The following COL24A1 variants were observed in gnomAD, a reference collection of about 807,000 sequenced individuals.
COL24A1 encodes the protein collagen type XXIV alpha 1 chain.
In COL24A1, 224 loss-of-function variants were observed where a neutral mutation model predicts 253.9. The observed-to-expected ratio is 0.88, with a 90% CI of 0.79 to 0.99. COL24A1 has a LOEUF of 0.99. Among genes scored for constraint, COL24A1 ranks in the 50% least tolerant of loss-of-function variants. COL24A1 has a pLI of 0.00. For missense variants in COL24A1, 2,131 were observed against 2,068.5 expected (o/e 1.03, Z -0.59); for synonymous variants, 685 against 673.7 (o/e 1.02, Z -0.26).
At position 86,059,139 on chromosome 1, in the gene COL24A1, G is replaced by A. The variant is rs369612216; in HGVS notation, c.1788C>T (p.Pro596=). 53 of 1,610,780 alleles carry A rather than the reference G, an allele frequency of 3.3e-5. No individual in the cohort carries two copies. The highest frequency in any genetic ancestry group is 4.1e-5 in the Non-Finnish European group (48 of 1,178,180). The change falls in exon 9 of 60, where the codon CCC becomes CCT. Residue 596 remains proline (P), a synonymous_variant. Coordinates refer to ENST00000370571, the MANE Select transcript of COL24A1 (RefSeq NM_152890.7). The stretch of plus-strand genomic sequence containing the variant: ...ACTGCACCTGCCTGCCAGGGTAACC[G>A]GGTGAACCAATATTACCAGCAAATC... ...IPGFAGNIGS[P]GYPGRQGLAG...
chr1:85,736,417 T>C (rs533374700), intron 58 of COL24A1: 110 of 456,274 alleles, frequency 2.4e-4, no homozygotes, highest in African/African-American at 9.4e-4. Context: ...GATAATCCTA[T>C]GCCAACTTCC....
Position 85,908,593 on chromosome 1 carries a change from C to T in COL24A1, c.2724+5G>A, listed in dbSNP as rs773292722. 16 of 1,448,992 alleles carry T rather than the reference C, an allele frequency of 1.1e-5. No individual in the cohort carries two copies. Among genetic ancestry groups the T allele is most frequent in the Middle Eastern group, 3.5e-4 (2 of 5,718 alleles). The allele number at this position is 1,448,992 out of a possible 1,614,324, so 89.8% of individuals were successfully genotyped here. On this transcript the variant is annotated splice_donor_5th_base_variant and intron_variant, in intron 27 of 59. Coordinates refer to ENST00000370571, the MANE Select transcript of COL24A1 (RefSeq NM_152890.7). The stretch of plus-strand genomic sequence containing the variant: ...AAGGAATCATAAAGTCTTTCCTGTA[C>T]TTACAGGTAATCCCAATGGACCGAT...
At chr1:85,822,248 C>T (rs1203702900) in intron 45 of COL24A1, among the ~76,000 whole-genome samples, 1 of 152,038 alleles carries the variant, frequency 6.6e-6, no homozygotes, top group Non-Finnish European at 1.5e-5. Flanking sequence ...CTGATTCAAC[C>T]CCATTTTATT....
intron 1 of COL24A1, chr1:86,155,584 A>C (rs1653454168): frequency 6.6e-6 from 1 of 152,172 alleles, no homozygotes; most frequent in African/African-American, 2.4e-5. Flanking sequence ...CCCAAAGGGG[A>C]GGTGGGGTGC....
intron 24 of COL24A1, among the ~76,000 whole-genome samples, chr1:85,936,119 AACCAAG>A (rs1321323792): frequency 1.4e-5 from 2 of 144,620 alleles, no homozygotes; most frequent in Non-Finnish European, 3.0e-5. Context: ...TCCAACTCCT[AACCAAG>A]ACAAGTCTGT....
chr1:85,771,778 T>TTTTATTTATTTATTTA (rs200015208), intron 53 of COL24A1, among the ~76,000 whole-genome samples: 4,458 of 146,514 alleles, frequency 0.03, 81 homozygotes, highest in Middle Eastern at 0.08. Context: ...TGCCTGACTT[T>TTTTATTTATTTATTTA]TTTATTTATT....
intron 5 of COL24A1, among the ~76,000 whole-genome samples, chr1:86,103,739 G>A (rs1039364874): frequency 6.6e-6 from 1 of 152,300 alleles, no homozygotes. Flanking sequence ...TATGGTTTCT[G>A]CTGAAAGGTC....
chr1:85,906,445 G>A (rs1005628137), intron 28 of COL24A1, among the ~76,000 whole-genome samples: 1 of 151,570 alleles, frequency 6.6e-6, no homozygotes, highest in African/African-American at 2.4e-5. Context: ...TGAATAGCAT[G>A]GGCTTTGGAG....
intron 53 of COL24A1, among the ~76,000 whole-genome samples, chr1:85,773,245 C>T (rs1006394297): frequency 1.4e-4 from 22 of 152,176 alleles, no homozygotes; most frequent in African/African-American, 4.8e-4. Flanking sequence ...GTTTTGGTAA[C>T]AGTACCATGC....
chr1:86,023,970 A>G (rs959085921), intron 14 of COL24A1, among the ~76,000 whole-genome samples: 6 of 152,084 alleles, frequency 3.9e-5, no homozygotes, highest in African/African-American at 1.4e-4. Flanking sequence ...GGAACTCTTA[A>G]AGTTGCATTT....
intron 47 of COL24A1, among the ~76,000 whole-genome samples, chr1:85,809,779 A>G (rs1158228404): frequency 6.8e-6 from 1 of 147,336 alleles, no homozygotes; most frequent in Non-Finnish European, 1.5e-5. Context: ...ACATATATAT[A>G]GTATATAATA....
chr1:85,734,631 A>T, intron 59 of COL24A1, 118 bp downstream of exon 59: 1 of 852,834 alleles, frequency 1.2e-6, no homozygotes, highest in Non-Finnish European at 1.9e-6. Flanking sequence ...ATTAAAACTT[A>T]CTACCCTTCT....
intron 33 of COL24A1, 86 bp downstream of exon 33, chr1:85,877,036 T>C: frequency 1.1e-6 from 1 of 892,372 alleles, no homozygotes; most frequent in Non-Finnish European, 1.7e-6. Flanking sequence ...TTATTCCTCA[T>C]AGTATATATT....
chr1:85,975,234 C>T (rs1002521767), intron 20 of COL24A1, among the ~76,000 whole-genome samples: 9 of 152,070 alleles, frequency 5.9e-5, no homozygotes, highest in African/African-American at 2.2e-4. Flanking sequence ...ATAGAACTAC[C>T]ATATGATTTA....
intron 47 of COL24A1, among the ~76,000 whole-genome samples, chr1:85,790,386 G>A (rs1377720258): frequency 1.3e-5 from 2 of 151,754 alleles, no homozygotes; most frequent in African/African-American, 4.8e-5. Context: ...TTTTTTGTGG[G>A]GTTAGCGATG....
chr1:86,108,520 C>T (rs1705210328), intron 5 of COL24A1, among the ~76,000 whole-genome samples: 1 of 148,722 alleles, frequency 6.7e-6, no homozygotes, highest in Non-Finnish European at 1.5e-5. Flanking sequence ...CGGTGGCTCA[C>T]GCCTGTACTC....
intron 5 of COL24A1, among the ~76,000 whole-genome samples, chr1:86,106,217 T>C (rs984433853): frequency 1.3e-5 from 2 of 152,098 alleles, no homozygotes; most frequent in African/African-American, 4.8e-5. Flanking sequence ...TTAAGATAAA[T>C]ACACGATGGA....
chr1:85,928,401 G>T, intron 24 of COL24A1, among the ~76,000 whole-genome samples: 1 of 50,278 alleles, frequency 2.0e-5, no homozygotes, highest in South Asian at 8.1e-4. Context: ...AAAAAGAAAT[G>T]AGCAAACCCT....
intron 14 of COL24A1, among the ~76,000 whole-genome samples, chr1:86,024,822 C>T (rs904677331): frequency 6.6e-6 from 1 of 152,108 alleles, no homozygotes; most frequent in Non-Finnish European, 1.5e-5. Context: ...AAAGGACTAT[C>T]TTAACAAACA....
Sources: gnomAD v4.1 joint callset for allele counts (sites outside exome capture counted in the v4.1 genomes callset) on GRCh38, gnomAD v4.1.1 for gene constraint, MANE v1.5 for transcripts, NCBI Gene and HGNC (gene_info 2026-07-23, HGNC 2026-07-21) for gene names.